RASGRP1: variants seen among roughly 807,000 people sequenced by gnomAD.
RASGRP1 encodes the protein RAS guanyl releasing protein 1.
RASGRP1 carries 37 observed loss-of-function variants against 95.1 expected under a neutral mutation model. The ratio of observed to expected loss-of-function variants is 0.39; its 90% CI spans 0.30 to 0.51. The LOEUF (loss-of-function observed/expected upper bound fraction) is 0.51, where lower values mean the gene tolerates loss of function less well. Among genes scored for constraint, RASGRP1 ranks in the 20% least tolerant of loss-of-function variants. The pLI is 0.80. For missense variants in RASGRP1, 711 were observed against 965.4 expected (o/e 0.74, Z 3.49); for synonymous variants, 325 against 353.4 (o/e 0.92, Z 0.90).
At chr15:38,564,422 C>G (rs952247676) in intron 1 of RASGRP1, among the ~76,000 whole-genome samples, 172 bp downstream of exon 1, 1 of 151,936 alleles carries the variant, frequency 6.6e-6, no homozygotes, top group African/African-American at 2.4e-5. Context: ...CCGGGCGCAG[C>G]GCGCCGGGCG....
chr15:38,508,463 A>C (rs1017170829), intron 8 of RASGRP1, among the ~76,000 whole-genome samples: 9 of 152,180 alleles, frequency 5.9e-5, no homozygotes, highest in African/African-American at 2.2e-4. Flanking sequence ...AATGCTGACT[A>C]TGTTGCTGGC....
chr15:38,513,446 G>A (rs780874441), intron 6 of RASGRP1, among the ~76,000 whole-genome samples: 2 of 152,208 alleles, frequency 1.3e-5, no homozygotes, highest in Non-Finnish European at 2.9e-5. Flanking sequence ...AGAAGATAAT[G>A]TGTGAAAGCT....
At chr15:38,527,950 C>T (rs1347228793) in intron 2 of RASGRP1, among the ~76,000 whole-genome samples, 1 of 151,884 alleles carries the variant, frequency 6.6e-6, no homozygotes, top group Non-Finnish European at 1.5e-5. Flanking sequence ...AGAGCATGAG[C>T]CCATCTCAAT....
At chr15:38,513,210 C>T (rs1403136396) in intron 6 of RASGRP1, among the ~76,000 whole-genome samples, 1 of 152,194 alleles carries the variant, frequency 6.6e-6, no homozygotes, top group East Asian at 1.9e-4. Flanking sequence ...TGTGTAGACA[C>T]ATTAGTTAAT....
chr15:38,517,118 G>T (rs1891819906), intron 5 of RASGRP1, among the ~76,000 whole-genome samples: 1 of 152,116 alleles, frequency 6.6e-6, no homozygotes, highest in South Asian at 2.1e-4. Flanking sequence ...ATGAGCTTGG[G>T]AAGTGCTATA....
chr15:38,504,142 C>T (rs1373780973), intron 10 of RASGRP1: 1 of 152,048 alleles, frequency 6.6e-6, no homozygotes, highest in East Asian at 1.9e-4. Context: ...ATGAATAGAG[C>T]TTTCAAGATT....
chr15:38,495,517 A>G (rs1890762968), intron 15 of RASGRP1, among the ~76,000 whole-genome samples: 1 of 152,236 alleles, frequency 6.6e-6, no homozygotes, highest in African/African-American at 2.4e-5. Flanking sequence ...AAAACATTGG[A>G]TAGTCTGACT....
At chr15:38,499,095 G>C in intron 14 of RASGRP1, 149 bp from the exon 15 acceptor site, 1 of 1,092,568 alleles carries the variant, frequency 9.2e-7, no homozygotes, top group East Asian at 2.4e-5. Context: ...AATGAAGCTA[G>C]CATTCTTCTC....
Position 38,519,365 on chromosome 15 carries a change from CT to C in RASGRP1, c.332del (p.Lys111ArgfsTer13). On this transcript the variant is annotated frameshift_variant, in exon 4 of 17. Coordinates refer to ENST00000310803, the MANE Select transcript of RASGRP1 (RefSeq NM_005739.4). LOFTEE classifies it high-confidence loss of function. Reference protein sequence around the residue: ...ELLQKVITLYKDALAKNSPGL... With the variant: ...ELLQKVITLYXDALAKNSPGL... ...CTGGTGAATTCTTTGCCAAAGCATC[CT>C]TATAGGTAGGGCTGTGGTTAAGGGA... 1 of 1,522,040 alleles carries C rather than the reference CT, an allele frequency of 6.6e-7. No homozygotes were observed. The allele number at this position is 1,522,040 out of a possible 1,614,324, so 94.3% of individuals were successfully genotyped here.
chr15:38,496,412 A>G (rs1469958633), intron 15 of RASGRP1, among the ~76,000 whole-genome samples: 3 of 152,184 alleles, frequency 2.0e-5, no homozygotes, highest in African/African-American at 7.2e-5. Flanking sequence ...AGAAATCTCT[A>G]ACAACTGCCC....
chr15:38,554,717 A>G (rs886349092), intron 2 of RASGRP1, among the ~76,000 whole-genome samples: 3 of 152,204 alleles, frequency 2.0e-5, no homozygotes, highest in Non-Finnish European at 4.4e-5. Flanking sequence ...ATGCTAATTC[A>G]TTCTAGAGGG....
chr15:38,521,764 A>G (rs1381125971), intron 3 of RASGRP1, among the ~76,000 whole-genome samples: 1 of 152,186 alleles, frequency 6.6e-6, no homozygotes, highest in African/African-American at 2.4e-5. Flanking sequence ...TCAGGCACCT[A>G]AACTATTCAA....
chr15:38,544,634 G>C (rs190531335), intron 2 of RASGRP1, among the ~76,000 whole-genome samples: 35 of 152,266 alleles, frequency 2.3e-4, no homozygotes, highest in Non-Finnish European at 4.4e-5. Flanking sequence ...ACAAGATGTG[G>C]TCCCTTCATT....
intron 1 of RASGRP1, 155 bp from the exon 2 acceptor site, chr15:38,560,160 T>C: frequency 1.4e-6 from 1 of 690,550 alleles, no homozygotes; most frequent in Non-Finnish European, 2.5e-6. Flanking sequence ...ACCAAATGAC[T>C]GGTTGGCTGT....
At chr15:38,554,795 C>T (rs1893486801) in intron 2 of RASGRP1, among the ~76,000 whole-genome samples, 1 of 152,222 alleles carries the variant, frequency 6.6e-6, no homozygotes, top group Non-Finnish European at 1.5e-5. Flanking sequence ...CGAGGACCAT[C>T]CTTTACACGT....
At chr15:38,542,280 T>C (rs748116163) in intron 2 of RASGRP1, among the ~76,000 whole-genome samples, 3 of 152,072 alleles carry the variant, frequency 2.0e-5, no homozygotes, top group Non-Finnish European at 4.4e-5. Context: ...AACTAATTGA[T>C]CACAACCAGT....
intron 2 of RASGRP1, among the ~76,000 whole-genome samples, chr15:38,536,002 G>A (rs1892628293): frequency 6.6e-6 from 1 of 152,184 alleles, no homozygotes; most frequent in Non-Finnish European, 1.5e-5. Flanking sequence ...GGTACTGCAA[G>A]TCCCGAGCAG....
At chr15:38,534,425 C>A (rs1412618712) in intron 2 of RASGRP1, 1 of 151,380 alleles carries the variant, frequency 6.6e-6, no homozygotes, top group African/African-American at 2.5e-5. Flanking sequence ...GTGTCTATTT[C>A]TTGTCATATT....
rs1890478752 is a variant in RASGRP1, at chr15:38,489,320, A to G, written c.*1234T>C. On this transcript the variant is annotated 3_prime_UTR_variant, in exon 17 of 17. Coordinates refer to ENST00000310803, the MANE Select transcript of RASGRP1 (RefSeq NM_005739.4). ...TGTGAATAGGTGCCCAGGCAACTAA[A>G]TGAGCCCATTTATTATTAACCTTCA... The G allele has an allele frequency of 6.6e-6, 1 of 151,984 alleles. No individual in the cohort carries two copies. The highest frequency in any genetic ancestry group is 1.5e-5 in the Non-Finnish European group (1 of 67,862). 9.4% of individuals were successfully genotyped at this position (151,984 alleles called of 1,614,324 possible). A position where few individuals can be genotyped will look rare whatever the true frequency, so the allele number is the denominator to read the frequency against.
Sources: allele counts gnomAD v4.1 joint callset (sites outside exome capture counted in the v4.1 genomes callset), GRCh38; gene constraint gnomAD v4.1.1; transcripts MANE v1.5; gene names NCBI Gene and HGNC (gene_info 2026-07-23, HGNC 2026-07-21).